Variants in CPVL observed in about 807,000 individuals in gnomAD.
The protein encoded by CPVL is probable serine carboxypeptidase CPVL.
In CPVL, 51 loss-of-function variants were observed where a neutral mutation model predicts 63.7. The observed-to-expected ratio is 0.80, with a 90% confidence interval of 0.64 to 1.01. The LOEUF (loss-of-function observed/expected upper bound fraction) is 1.01. Among genes scored for constraint, CPVL ranks in the 50% least tolerant of loss-of-function variants. The pLI, the probability that CPVL is intolerant of heterozygous loss-of-function variation, is 0.00. For synonymous variants in CPVL, 195 were observed against 206.0 expected (o/e 0.95, Z 0.46); for missense variants, 530 against 573.1 (o/e 0.92, Z 0.77).
At chr7:29,014,254 T>C (rs1786164156) in intron 12 of CPVL, among the ~76,000 whole-genome samples, 1 of 152,194 alleles carries the variant, frequency 6.6e-6, no homozygotes, top group Non-Finnish European at 1.5e-5. Context: ...CATCCATCAT[T>C]GTAGAAGGCG....
At chr7:29,075,880 G>C (rs1469111762) in intron 7 of CPVL, among the ~76,000 whole-genome samples, 5 of 146,748 alleles carry the variant, frequency 3.4e-5, no homozygotes, top group Admixed American at 1.4e-4. Flanking sequence ...GACAATTATA[G>C]AATTATTTTT....
chr7:29,063,988 C>A, intron 11 of CPVL, 73 bp downstream of exon 11: 4 of 968,390 alleles, frequency 4.1e-6, no homozygotes, highest in African/African-American at 1.7e-5. Flanking sequence ...AAAGGCAGGA[C>A]TCAAATTACA....
intron 12 of CPVL, among the ~76,000 whole-genome samples, chr7:28,998,177 C>T (rs1784278532): frequency 6.6e-6 from 1 of 152,186 alleles, no homozygotes; most frequent in Non-Finnish European, 1.5e-5. Flanking sequence ...TTGGCCCTGG[C>T]AGGAATCTGA....
rs56757455 is a variant in CPVL at position 29,068,682 on chromosome 7, CT to C, written c.865-2562del. 2.4e-3 allele frequency among the ~76,000 whole-genome samples: 345 copies of C among 142,982 alleles called. 2 individuals are homozygous for C. Among genetic ancestry groups the C allele is most frequent in the Admixed American group, 0.012 (178 of 14,374 alleles). 93.8% of individuals were successfully genotyped at this position (142,982 alleles called of 152,430 possible). A position where few individuals can be genotyped will look rare whatever the true frequency, so the allele number is the denominator to read the frequency against. On this transcript the variant is annotated intron_variant, in intron 9 of 12. Transcript: ENST00000265394. Reference sequence around the variant, plus strand: ...ATCACCACAGAGGAGGTGTCTTTTTCTTTTTTTTTTTCTTTGTTTTTTTTTT... The same window carrying C: ...ATCACCACAGAGGAGGTGTCTTTTTCTTTTTTTTTTCTTTGTTTTTTTTTT...
intron 11 of CPVL, among the ~76,000 whole-genome samples, chr7:29,056,842 TGTCA>T (rs1243275385): frequency 6.6e-6 from 1 of 152,238 alleles, no homozygotes; most frequent in Non-Finnish European, 1.5e-5. Context: ...CATTTAGTGT[TGTCA>T]GTATTTTGGA....
intron 7 of CPVL, among the ~76,000 whole-genome samples, chr7:29,083,242 T>C (rs765071444): frequency 1.3e-5 from 2 of 152,234 alleles, no homozygotes; most frequent in South Asian, 2.1e-4. Flanking sequence ...AAGGTGGACA[T>C]TGCAGATGTG....
At chr7:29,092,725 G>A in intron 5 of CPVL, 23 bp from the exon 6 acceptor site, 1 of 1,553,190 alleles carries the variant, frequency 6.4e-7, no homozygotes, top group Non-Finnish European at 8.9e-7. Context: ...TAAACACGCA[G>A]GTATAAACAC....
At chr7:29,138,396 C>T (rs142339304) in intron 1 of CPVL, among the ~76,000 whole-genome samples, 67 of 152,288 alleles carry the variant, frequency 4.4e-4, no homozygotes, top group African/African-American at 1.3e-3. Context: ...TCCAAGACCA[C>T]GCTGCTGCAC....
At chr7:29,065,221 T>C (rs188147717) in intron 10 of CPVL, among the ~76,000 whole-genome samples, 39 of 152,342 alleles carry the variant, frequency 2.6e-4, no homozygotes, top group Non-Finnish European at 3.1e-4. Flanking sequence ...GAATATATTG[T>C]TGTAAAGAAA....
intron 1 of CPVL, among the ~76,000 whole-genome samples, chr7:29,136,236 C>A (rs1006984969): frequency 6.6e-6 from 1 of 152,136 alleles, no homozygotes; most frequent in African/African-American, 2.4e-5. Context: ...ACAGTTCTGT[C>A]AGCAAGTTTG....
chr7:29,175,199 G>GTTTTCTT, intron 5 of CPVL, among the ~76,000 whole-genome samples: 1 of 151,056 alleles, frequency 6.6e-6, no homozygotes, highest in African/African-American at 2.4e-5. Flanking sequence ...TTTTGAGACG[G>GTTTTCTT]GGCCTCTCTC....
intron 11 of CPVL, among the ~76,000 whole-genome samples, chr7:29,050,486 T>C (rs1790036658): frequency 1.3e-5 from 2 of 152,140 alleles, no homozygotes; most frequent in Non-Finnish European, 2.9e-5. Context: ...TCATCCATTT[T>C]GGTGGAATTG....
At chr7:29,185,091 C>T (rs1173711765) in intron 3 of CPVL, among the ~76,000 whole-genome samples, 1 of 152,094 alleles carries the variant, frequency 6.6e-6, no homozygotes, top group African/African-American at 2.4e-5. Context: ...ATTTTTTCTC[C>T]AAACCAATTT....
chr7:29,008,730 G>A (rs1231951094), intron 12 of CPVL, among the ~76,000 whole-genome samples: 2 of 152,178 alleles, frequency 1.3e-5, no homozygotes, highest in Non-Finnish European at 2.9e-5. Flanking sequence ...GCAGATGTGA[G>A]AAGTGCTAGC....
chr7:29,029,754 G>A (rs775303095), intron 12 of CPVL, among the ~76,000 whole-genome samples: 1 of 152,166 alleles, frequency 6.6e-6, no homozygotes, highest in African/African-American at 2.4e-5. Context: ...GGTGACTATA[G>A]TTAAGAACGA....
intron 12 of CPVL, chr7:29,011,867 G>A (rs531916650): frequency 1.3e-5 from 2 of 152,342 alleles, no homozygotes; most frequent in African/African-American, 4.8e-5. Context: ...TATTTGGTAT[G>A]AGAATGTCTT....
intron 6 of CPVL, among the ~76,000 whole-genome samples, chr7:29,086,936 T>C (rs73084703): frequency 0.018 from 2,759 of 152,282 alleles, 36 homozygotes; most frequent in Non-Finnish European, 0.029. Context: ...GAAGTCTTAG[T>C]TGCTTACCAA....
At chr7:29,139,532 G>GC (rs940333285) in intron 1 of CPVL, among the ~76,000 whole-genome samples, 2 of 133,440 alleles carry the variant, frequency 1.5e-5, no homozygotes, top group African/African-American at 6.1e-5. Context: ...GGCTATTCTT[G>GC]GGGGGGCAGG....
intron 11 of CPVL, among the ~76,000 whole-genome samples, chr7:29,043,715 T>A (rs1789347752): frequency 6.6e-6 from 1 of 152,166 alleles, no homozygotes; most frequent in Non-Finnish European, 1.5e-5. Flanking sequence ...AGCAAGTAGA[T>A]GGCACAGATT....
Sources: allele counts gnomAD v4.1 joint callset (sites outside exome capture counted in the v4.1 genomes callset), GRCh38; gene constraint gnomAD v4.1.1; transcripts MANE v1.5; gene names NCBI Gene and HGNC (gene_info 2026-07-23, HGNC 2026-07-21).